NRXN1: variants seen among roughly 807,000 people sequenced by gnomAD.
NRXN1 encodes the protein neurexin 1.
NRXN1 carries 39 observed loss-of-function variants against 150.9 expected under a neutral mutation model. That is an observed-to-expected ratio of 0.26 (90% CI 0.20 to 0.34). NRXN1 has a LOEUF of 0.34. Ranked by LOEUF, NRXN1 falls within the 10% of genes least tolerant of loss-of-function variation. The pLI is 1.00. For missense variants in NRXN1, 1,815 were observed against 1,949.9 expected (o/e 0.93, Z 1.30); for synonymous variants, 924 against 757.0 (o/e 1.22, Z -3.62).
intron 5 of NRXN1, among the ~76,000 whole-genome samples, chr2:50,751,506 A>G (rs1341874638): frequency 6.6e-6 from 1 of 151,996 alleles, no homozygotes; most frequent in Non-Finnish European, 1.5e-5. Flanking sequence ...TAAGCCTGCC[A>G]GAAAACATGC....
At chr2:50,049,163 A>G (rs1479802902) in intron 21 of NRXN1, among the ~76,000 whole-genome samples, 2 of 152,278 alleles carry the variant, frequency 1.3e-5, no homozygotes, top group South Asian at 2.1e-4. Flanking sequence ...ACCAAATGGC[A>G]TACTTTTGAG....
chr2:50,633,487 G>A (rs965767202), intron 5 of NRXN1, among the ~76,000 whole-genome samples: 1 of 151,808 alleles, frequency 6.6e-6, no homozygotes, highest in African/African-American at 2.4e-5. Context: ...CTTCATAGAA[G>A]GCTTGACCAA....
chr2:49,921,040 C>T lies in NRXN1; in HGVS notation c.*904G>A, dbSNP rs1041700925. On this transcript the variant is annotated 3_prime_UTR_variant, in exon 23 of 23. Transcript: ENST00000401669. ...AAACCCAACTGAAATAATTGTTGCT[C>T]TGATGTCATAAAACTCCCTATACTT... 6.6e-6 allele frequency: 1 copy of T among 152,374 alleles called. No homozygotes were observed. The highest frequency in any genetic ancestry group is 1.5e-5 in the Non-Finnish European group (1 of 67,998). The allele number at this position is 152,374 out of a possible 1,614,324, so 9.4% of individuals were successfully genotyped here. A position where few individuals can be genotyped will look rare whatever the true frequency, so the allele number is the denominator to read the frequency against.
At chr2:49,956,788 T>G (rs1675038725) in intron 21 of NRXN1, among the ~76,000 whole-genome samples, 1 of 152,178 alleles carries the variant, frequency 6.6e-6, no homozygotes, top group Non-Finnish European at 1.5e-5. Context: ...TGCTAAAATA[T>G]TTTTTGGTAC....
chr2:50,945,877 G>GATAT lies in NRXN1; in HGVS notation c.773-19926_773-19923dup, dbSNP rs72142854. Reference sequence around the variant, plus strand: ...AATATGAAAGTACTTCAGAAAAACAGATATATATATATATATATATATACA... The same window carrying GATAT: ...AATATGAAAGTACTTCAGAAAAACAGATATATATATATATATATATATATATACA... On this transcript the variant is annotated intron_variant, in intron 2 of 22. Coordinates refer to ENST00000401669, the MANE Select transcript of NRXN1 (RefSeq NM_001330078.2). 2.6e-3 allele frequency among the ~76,000 whole-genome samples: 359 copies of GATAT among 138,640 alleles called. 3 individuals are homozygous for GATAT. The highest frequency in any genetic ancestry group is 0.011 in the East Asian group (53 of 4,716). 91.0% of individuals were successfully genotyped at this position (138,640 alleles called of 152,430 possible). A position where few individuals can be genotyped will look rare whatever the true frequency, so the allele number is the denominator to read the frequency against.
chr2:50,315,076 G>A (rs1030172288), intron 17 of NRXN1, among the ~76,000 whole-genome samples: 1 of 151,856 alleles, frequency 6.6e-6, no homozygotes, highest in African/African-American at 2.4e-5. Context: ...TATTCTTCTA[G>A]GTAATGCTTG....
rs527899737 is a variant in NRXN1 at position 50,776,369 on chromosome 2, A to G, written c.832+145500T>C. The stretch of plus-strand genomic sequence containing the variant: ...TTAACATGTCCCTGATTTGTCAGGT[A>G]CAACAAGAATGTACAAAGGAAGGGC... On this transcript the variant is annotated intron_variant, in intron 5 of 22. Transcript: ENST00000401669. 2.1e-4 allele frequency among the ~76,000 whole-genome samples: 32 copies of G among 152,214 alleles called. No homozygotes were observed. In the Middle Eastern group the frequency reaches 0.017, roughly 81 times the overall value.
chr2:50,581,888 G>A (rs1002587845), intron 8 of NRXN1, among the ~76,000 whole-genome samples: 2 of 152,180 alleles, frequency 1.3e-5, no homozygotes, highest in Admixed American at 6.5e-5. Context: ...TATAAACTAG[G>A]TGCGCTTGGA....
chr2:50,559,760 C>T (rs1668780310), intron 8 of NRXN1, among the ~76,000 whole-genome samples: 1 of 152,034 alleles, frequency 6.6e-6, no homozygotes, highest in African/African-American at 2.4e-5. Context: ...GTAGATAATA[C>T]ATACCTATGT....
intron 17 of NRXN1, among the ~76,000 whole-genome samples, chr2:50,300,899 T>C (rs1318023321): frequency 6.6e-6 from 1 of 152,118 alleles, no homozygotes; most frequent in Non-Finnish European, 1.5e-5. Flanking sequence ...TTTCACCATG[T>C]TGGCCAGGCT....
intron 17 of NRXN1, among the ~76,000 whole-genome samples, chr2:50,450,879 GAA>G (rs2086894383): frequency 1.3e-5 from 2 of 152,170 alleles, no homozygotes; most frequent in Admixed American, 1.3e-4. Flanking sequence ...ATAACCTCAT[GAA>G]AAGTTACTTT....
At chr2:50,462,037 A>G (rs1351028086) in intron 17 of NRXN1, among the ~76,000 whole-genome samples, 1 of 151,952 alleles carries the variant, frequency 6.6e-6, no homozygotes, top group Non-Finnish European at 1.5e-5. Flanking sequence ...CAGACCATTG[A>G]GGTCCACGAA....
At chr2:50,096,496 T>G (rs1430168660) in intron 18 of NRXN1, among the ~76,000 whole-genome samples, 1 of 152,212 alleles carries the variant, frequency 6.6e-6, no homozygotes, top group Non-Finnish European at 1.5e-5. Context: ...TATGATTGTC[T>G]TGGCAAATTC....
chr2:50,222,910 G>C (rs1426015599), intron 18 of NRXN1, among the ~76,000 whole-genome samples: 2 of 151,808 alleles, frequency 1.3e-5, no homozygotes, highest in African/African-American at 2.4e-5. Flanking sequence ...CAGTAAAAAA[G>C]TGGGTATATT....
At chr2:50,021,650 T>C (rs1437129665) in intron 21 of NRXN1, among the ~76,000 whole-genome samples, 2 of 152,104 alleles carry the variant, frequency 1.3e-5, no homozygotes, top group African/African-American at 4.8e-5. Flanking sequence ...GAGAATTCTT[T>C]AGTGCTGTCT....
At chr2:50,899,630 T>C (rs145350266) in intron 5 of NRXN1, among the ~76,000 whole-genome samples, 32 of 152,260 alleles carry the variant, frequency 2.1e-4, no homozygotes, top group Middle Eastern at 3.4e-3. Context: ...AAGAGAGAGT[T>C]AATTTGTTTT....
Position 49,985,823 on chromosome 2 carries a change from CAA to C in NRXN1, c.4129-42034_4129-42033del, listed in dbSNP as rs906913104. Among the ~76,000 whole-genome samples, 3 of 148,142 alleles carry C rather than the reference CAA, an allele frequency of 2.0e-5. No individual in the cohort carries two copies. The East Asian group carries it at 5.9e-4, about 29-fold the overall frequency. On this transcript the variant is annotated intron_variant, in intron 21 of 22. Transcript: ENST00000401669. ...AATCTACATTGCTTGATATTTACAA[CAA>C]AAAAAAAATATTCACTCACTTTGGA...
chr2:50,937,467 C>G (rs904403103), intron 2 of NRXN1, among the ~76,000 whole-genome samples: 1 of 152,028 alleles, frequency 6.6e-6, no homozygotes, highest in Non-Finnish European at 1.5e-5. Context: ...CCGCAGTGAG[C>G]TTTCTTAAGT....
intron 5 of NRXN1, among the ~76,000 whole-genome samples, chr2:50,703,781 C>A (rs1209553648): frequency 6.6e-6 from 1 of 152,122 alleles, no homozygotes; most frequent in African/African-American, 2.4e-5. Context: ...AGATTACCCA[C>A]TTAATTAATC....
Sources: gnomAD v4.1 joint callset for allele counts (sites outside exome capture counted in the v4.1 genomes callset) on GRCh38, gnomAD v4.1.1 for gene constraint, MANE v1.5 for transcripts, NCBI Gene and HGNC (gene_info 2026-07-23, HGNC 2026-07-21) for gene names.